Variants in ATP2C2 observed in about 807,000 individuals in gnomAD.
The protein encoded by ATP2C2 is calcium-transporting ATPase type 2C member 2.
Under a neutral mutation model 110.8 loss-of-function variants are expected in ATP2C2, and 171 were observed. The ratio of observed to expected loss-of-function variants is 1.54; its 90% CI spans 1.36 to 1.75. The LOEUF (loss-of-function observed/expected upper bound fraction) is 1.75, where lower values mean the gene tolerates loss of function less well. ATP2C2 is among the 40% of genes most tolerant of loss of function. ATP2C2 has a pLI of 0.00. For missense variants in ATP2C2, 1,963 were observed against 1,235.0 expected (o/e 1.59, Z -8.84); for synonymous variants, 804 against 508.4 (o/e 1.58, Z -7.82).
chr16:84,439,097 C>T, intron 11 of ATP2C2, 69 bp from the exon 12 acceptor site: 1 of 1,587,226 alleles, frequency 6.3e-7, no homozygotes, highest in Non-Finnish European at 8.6e-7. Flanking sequence ...AAAAGCATTG[C>T]CAGCCCCAGC....
intron 2 of ATP2C2, 100 bp downstream of exon 2, chr16:84,398,709 T>C: frequency 1.1e-6 from 1 of 869,848 alleles, no homozygotes; most frequent in Non-Finnish European, 1.7e-6. Context: ...TTCTGTGTTA[T>C]TATCAATTTT....
In ATP2C2 at chr16:84,397,209, G is replaced by C. The variant is rs187333166; in HGVS notation, c.100-1290G>C. Among the ~76,000 whole-genome samples the C allele has an allele frequency of 1.9e-3, 282 of 151,848 alleles. 2 individuals carry two copies. Among genetic ancestry groups the C allele is most frequent in the South Asian group, 0.011 (52 of 4,818 alleles). ...CTCCCGAAGCCTCCAGGTGTTTCAC[G>C]TGGCTTCTTTCCAGGCCCGCAGGTC... On this transcript the variant is annotated intron_variant, in intron 1 of 26. Coordinates refer to ENST00000262429, the MANE Select transcript of ATP2C2 (RefSeq NM_014861.4).
chr16:84,406,560 C>T (rs1438027929), intron 3 of ATP2C2: 1 of 983,936 alleles, frequency 1.0e-6, no homozygotes, highest in Non-Finnish European at 1.2e-6. Context: ...CTCCACTCTC[C>T]TTGAGGTCCC....
Position 84,451,942 on chromosome 16 carries a change from C to G in ATP2C2, c.1682C>G (p.Pro561Arg), listed in dbSNP as rs754466021. The change falls in exon 18 of 27, where the codon CCC becomes CGC. Residue 561 changes from proline to arginine, a missense_variant. Transcript: ENST00000262429. ...GLRVLALASG[P>R]ELGRLTFLGL... is the part of the protein sequence containing the mutation. ...TCAGTGCTGGCCCTGGCTTCTGGGCCCGAGCTGGGGCGGCTGACGTTTCTC... is the reference window on the plus strand; with the variant it reads ...TCAGTGCTGGCCCTGGCTTCTGGGCGCGAGCTGGGGCGGCTGACGTTTCTC... 12 of 1,614,004 alleles carry G rather than the reference C, an allele frequency of 7.4e-6. No individual in the cohort carries two copies. Among genetic ancestry groups the G allele is most frequent in the Non-Finnish European group, 1.0e-5 (12 of 1,180,006 alleles).
chr16:84,460,937 A>G (rs866273464), intron 24 of ATP2C2, 136 bp downstream of exon 24: 1 of 1,275,108 alleles, frequency 7.8e-7, no homozygotes, highest in Non-Finnish European at 1.1e-6. Flanking sequence ...ATGTGATGCC[A>G]TCAGAGGCGT....
In ATP2C2 at chr16:84,459,484, A is replaced by G. The variant is rs190093097; in HGVS notation, c.2333+98A>G. On this transcript the variant is annotated intron_variant, in intron 23 of 26. Transcript: ENST00000262429. The stretch of plus-strand genomic sequence containing the variant: ...GTGCCCCAAGGCTATAGGGATGAAC[A>G]AATACAGCCACTTTCCATCAGGAGT... The G allele has an allele frequency of 4.3e-5, 69 of 1,595,000 alleles. No individual in the cohort carries two copies. The East Asian group carries it at 1.4e-3, about 33-fold the overall frequency.
At chr16:84,420,920 C>G (rs779525483) in intron 7 of ATP2C2, among the ~76,000 whole-genome samples, 14 of 152,292 alleles carry the variant, frequency 9.2e-5, no homozygotes, top group Non-Finnish European at 1.9e-4. Flanking sequence ...ATTCTCCTGC[C>G]TCAGCCTCCT....
intron 25 of ATP2C2, 63 bp from the exon 26 acceptor site, chr16:84,461,925 C>T: frequency 1.2e-6 from 2 of 1,607,472 alleles, no homozygotes; most frequent in East Asian, 2.2e-5. Flanking sequence ...GCAGTCAGAG[C>T]TCCCCTGCCT....
intron 11 of ATP2C2, chr16:84,426,107 G>C (rs1567715602): frequency 2.8e-6 from 1 of 351,908 alleles, no homozygotes; most frequent in African/African-American, 2.1e-5. Flanking sequence ...AGTTTAATTG[G>C]CCTATGGTTC....
intron 6 of ATP2C2, 61 bp from the exon 7 acceptor site, chr16:84,415,422 C>T (rs572809896): frequency 7.5e-7 from 1 of 1,339,142 alleles, no homozygotes; most frequent in Non-Finnish European, 1.1e-6. Context: ...TCAAATGTAT[C>T]AAGGTGCATA....
In ATP2C2 at chr16:84,422,547, C is replaced by G. The variant is rs760772928; in HGVS notation, c.774+8C>G. On this transcript the variant is annotated splice_region_variant and intron_variant, in intron 8 of 26. Coordinates refer to ENST00000262429, the MANE Select transcript of ATP2C2 (RefSeq NM_014861.4). ...CAGTATGGGAGGGGCCAGGTAAGCC[C>G]TGGGACACCGAGGCCTTGGGCTCCC... The G allele has an allele frequency of 5.0e-6, 8 of 1,613,208 alleles. No individual in the cohort carries two copies. Among genetic ancestry groups the G allele is most frequent in the African/African-American group, 1.3e-5 (1 of 74,864 alleles).
chr16:84,402,124 C>T (rs985644075), intron 2 of ATP2C2, among the ~76,000 whole-genome samples: 2 of 151,668 alleles, frequency 1.3e-5, no homozygotes, highest in African/African-American at 4.9e-5. Context: ...TTGCAGATTG[C>T]TTTCTCTTAG....
In ATP2C2 at chr16:84,421,763, C is replaced by T. The variant is rs74038213; in HGVS notation, c.625-627C>T. ...GGAAACTTGAACAAATTACTTAATT[C>T]TTCCATGCTTCAGTTTCCCCATATG... On this transcript the variant is annotated intron_variant, in intron 7 of 26. Transcript: ENST00000262429. Among the ~76,000 whole-genome samples the T allele has an allele frequency of 6.9e-3, 1,058 of 152,328 alleles. 9 individuals carry two copies. Among genetic ancestry groups the T allele is most frequent in the African/African-American group, 0.024 (1,007 of 41,568 alleles).
At chr16:84,434,708 G>A (rs1202304909) in intron 11 of ATP2C2, among the ~76,000 whole-genome samples, 1 of 151,848 alleles carries the variant, frequency 6.6e-6, no homozygotes, top group South Asian at 2.1e-4. Context: ...GGTAGAGACG[G>A]GGTTTCAACA....
At chr16:84,427,624 G>A (rs1907914869) in intron 11 of ATP2C2, among the ~76,000 whole-genome samples, 1 of 152,182 alleles carries the variant, frequency 6.6e-6, no homozygotes, top group Non-Finnish European at 1.5e-5. Context: ...GGCTGAGGCA[G>A]AAGAATCGCT....
chr16:84,369,558 C>T (rs1208053863), intron 1 of ATP2C2, among the ~76,000 whole-genome samples: 1 of 151,270 alleles, frequency 6.6e-6, no homozygotes, highest in Admixed American at 6.6e-5. Context: ...CATTTCTGAA[C>T]GAGTCCCCTG....
At chr16:84,389,730 T>TTC (rs1316754941) in intron 1 of ATP2C2, among the ~76,000 whole-genome samples, 1 of 150,090 alleles carries the variant, frequency 6.7e-6, no homozygotes, top group Admixed American at 6.7e-5. Context: ...CTTTTTTTTT[T>TTC]TTTTTTTTGA....
intron 23 of ATP2C2, chr16:84,460,108 A>T (rs1213977291): frequency 5.0e-6 from 1 of 200,436 alleles, no homozygotes; most frequent in Non-Finnish European, 1.0e-5. Context: ...TGTGTCCCCA[A>T]AGCCAAGTGT....
intron 1 of ATP2C2, among the ~76,000 whole-genome samples, chr16:84,394,861 C>A (rs1231874491): frequency 6.6e-6 from 1 of 152,098 alleles, no homozygotes. Flanking sequence ...CTCATCTGAC[C>A]TTGATCATTT....
Sources: gnomAD v4.1 joint callset for allele counts (sites outside exome capture counted in the v4.1 genomes callset) on GRCh38, gnomAD v4.1.1 for gene constraint, MANE v1.5 for transcripts, NCBI Gene and HGNC (gene_info 2026-07-23, HGNC 2026-07-21) for gene names.